SLC38A8: variants seen among roughly 807,000 people sequenced by gnomAD.
SLC38A8 encodes solute carrier family 38 member 8.
SLC38A8 carries 65 observed loss-of-function variants against 46.0 expected under a neutral mutation model. The observed-to-expected ratio is 1.41, with a 90% CI of 1.16 to 1.74. The LOEUF (loss-of-function observed/expected upper bound fraction) is 1.74, where lower values mean the gene tolerates loss of function less well. Ranked by LOEUF, SLC38A8 falls within the 40% of genes most tolerant of loss-of-function variation. SLC38A8 has a pLI of 0.00. For synonymous variants in SLC38A8, 447 were observed against 243.7 expected (o/e 1.83, Z -7.77); for missense variants, 998 against 567.9 (o/e 1.76, Z -7.70).
At chr16:84,040,867 G>A (rs953527971) in intron 2 of SLC38A8, among the ~76,000 whole-genome samples, 3 of 152,216 alleles carry the variant, frequency 2.0e-5, no homozygotes, top group African/African-American at 7.2e-5. Flanking sequence ...GCTCCATGAG[G>A]ACAGGGACCA....
At chr16:84,016,801 T>C (rs937321131) in intron 8 of SLC38A8, 74 bp from the exon 9 acceptor site, 214 of 1,485,436 alleles carry the variant, frequency 1.4e-4, no homozygotes, top group Non-Finnish European at 1.9e-4. Flanking sequence ...TGCTCCCCAG[T>C]CCTCCAGGAG....
intron 9 of SLC38A8, among the ~76,000 whole-genome samples, chr16:84,014,041 G>A (rs118168401): frequency 0.018 from 2,720 of 150,624 alleles, 26 homozygotes; most frequent in Middle Eastern, 0.035. Flanking sequence ...TGAGGGAAGG[G>A]CTGTGTGACC....
rs200233980 is a variant in SLC38A8 at position 84,033,358 on chromosome 16, G to A, written c.500C>T (p.Pro167Leu). The A allele has an allele frequency of 5.7e-5, 92 of 1,614,064 alleles. 1 individual carries two copies. Among genetic ancestry groups the A allele is most frequent in the East Asian group, 4.2e-4 (19 of 44,858 alleles). The change falls in exon 4 of 11, where the codon CCG (proline) becomes CTG (leucine). Residue 167 changes from proline (P) to leucine (L), a missense_variant. By Grantham distance (98) the Pro-to-Leu change is moderately conservative (BLOSUM62 -3). Coordinates refer to ENST00000299709, the MANE Select transcript of SLC38A8 (RefSeq NM_001080442.3). ...SVLVILPLSA[P>L]REIAFQKYTS... ...GTATTTCTGGAAGGCGATCTCCCGC[G>A]GGGCAGACAGGGGCAGGATGACCAG...
intron 9 of SLC38A8, among the ~76,000 whole-genome samples, chr16:84,013,717 C>G (rs1407680472): frequency 6.7e-6 from 1 of 149,678 alleles, no homozygotes; most frequent in African/African-American, 2.5e-5. Context: ...GCATGAGCCA[C>G]TGCACCCAGC....
chr16:84,037,981 T>C (rs2085321075), intron 2 of SLC38A8, among the ~76,000 whole-genome samples: 1 of 152,180 alleles, frequency 6.6e-6, no homozygotes, highest in South Asian at 2.1e-4. Flanking sequence ...GCTAATTGTT[T>C]TTTGTATTTT....
chr16:84,034,505 G>C (rs914771992), intron 3 of SLC38A8, among the ~76,000 whole-genome samples: 1 of 152,242 alleles, frequency 6.6e-6, no homozygotes, highest in Admixed American at 6.5e-5. Context: ...CTGGGTGGGT[G>C]AGGTGGCCCC....
At chr16:84,017,009 T>A in intron 8 of SLC38A8, 131 bp downstream of exon 8, 1 of 1,302,454 alleles carries the variant, frequency 7.7e-7, no homozygotes, top group Admixed American at 2.6e-5. Context: ...CCTCTGTGCC[T>A]GTTTCCTCCT....
intron 6 of SLC38A8, among the ~76,000 whole-genome samples, chr16:84,024,804 C>T (rs2085142431): frequency 6.6e-6 from 1 of 152,140 alleles, no homozygotes; most frequent in Non-Finnish European, 1.5e-5. Context: ...ACTCTCCTGC[C>T]TCAGCCTTCC....
At chr16:84,013,424 G>GTTTTTTTTTTTTT (rs1221293803) in intron 9 of SLC38A8, among the ~76,000 whole-genome samples, 1 of 64,048 alleles carries the variant, frequency 1.6e-5, no homozygotes, top group Non-Finnish European at 2.6e-5. Flanking sequence ...TTGTGTGTGT[G>GTTTTTTTTTTTTT]TTTTTTTTTT....
intron 6 of SLC38A8, among the ~76,000 whole-genome samples, chr16:84,024,650 A>G (rs537217505): frequency 1.6e-4 from 24 of 152,132 alleles, no homozygotes; most frequent in East Asian, 9.9e-4. Flanking sequence ...GTGTGGTGGC[A>G]AGCACCTGTA....
Position 84,031,470 on chromosome 16 carries a change from C to G in SLC38A8, c.632+397G>C, listed in dbSNP as rs907042. 5.1e-3 allele frequency among the ~76,000 whole-genome samples: 776 copies of G among 152,334 alleles called. 9 individuals are homozygous for G. Among genetic ancestry groups the G allele is most frequent in the African/African-American group, 0.017 (725 of 41,570 alleles). On this transcript the variant is annotated intron_variant, in intron 5 of 10. Transcript: ENST00000299709. The stretch of plus-strand genomic sequence containing the variant: ...GCTCTGAATCCCTGTACGACATCCC[C>G]GCCCATGCTCTCTGCCCTTGTTCCG...
At chr16:84,021,449 G>T (rs565581704) in intron 7 of SLC38A8, among the ~76,000 whole-genome samples, 1 of 152,138 alleles carries the variant, frequency 6.6e-6, no homozygotes, top group Admixed American at 6.5e-5. Context: ...CTTCTAACAG[G>T]TTTGTCCTTT....
At chr16:84,018,398 T>C (rs1206086096) in intron 7 of SLC38A8, among the ~76,000 whole-genome samples, 2 of 151,944 alleles carry the variant, frequency 1.3e-5, no homozygotes, top group Non-Finnish European at 1.5e-5. Context: ...TTTTTGAATT[T>C]TTAGTAAAGA....
chr16:84,017,882 C>T (rs1011529510), intron 7 of SLC38A8, among the ~76,000 whole-genome samples: 1 of 152,132 alleles, frequency 6.6e-6, no homozygotes, highest in Non-Finnish European at 1.5e-5. Flanking sequence ...GGTCCCATGA[C>T]CCTGGCAGTG....
intron 8 of SLC38A8, 23 bp downstream of exon 8, chr16:84,017,117 C>A (rs765871824): frequency 4.3e-6 from 7 of 1,612,354 alleles, no homozygotes; most frequent in Admixed American, 3.3e-5. Flanking sequence ...CTTCACGGTG[C>A]CCCCCACTGA....
intron 6 of SLC38A8, among the ~76,000 whole-genome samples, chr16:84,025,368 G>A (rs1456451649): frequency 2.0e-5 from 3 of 152,160 alleles, no homozygotes; most frequent in Admixed American, 6.5e-5. Context: ...TGGTCCCTCT[G>A]GCCGGATTTT....
At position 84,024,572 on chromosome 16, in the gene SLC38A8, G is replaced by A. The variant is rs956568992; in HGVS notation, c.691-1683C>T. On this transcript the variant is annotated intron_variant, in intron 6 of 10. Transcript: ENST00000299709. ...AAGGCGTGTGGATCACCTGAGGTCT[G>A]GAGTTCGAGACCAGCCTGGCCAACA... 3.9e-5 allele frequency among the ~76,000 whole-genome samples: 6 copies of A among 151,968 alleles called. 1 individual carries two copies. Among genetic ancestry groups the A allele is most frequent in the African/African-American group, 1.4e-4 (6 of 41,430 alleles).
intron 2 of SLC38A8, among the ~76,000 whole-genome samples, chr16:84,037,686 G>C (rs1160183644): frequency 6.6e-6 from 1 of 151,782 alleles, no homozygotes; most frequent in African/African-American, 2.4e-5. Context: ...TCTTGAACCT[G>C]GGAGGCGGAC....
intron 10 of SLC38A8, among the ~76,000 whole-genome samples, chr16:84,010,856 G>A (rs979580853): frequency 1.3e-5 from 2 of 152,066 alleles, no homozygotes; most frequent in African/African-American, 2.4e-5. Context: ...AGGAGAAGAC[G>A]CAAGCTCTAA....
Sources: allele counts gnomAD v4.1 joint callset (sites outside exome capture counted in the v4.1 genomes callset), GRCh38; gene constraint gnomAD v4.1.1; transcripts MANE v1.5; gene names NCBI Gene and HGNC (gene_info 2026-07-23, HGNC 2026-07-21).